PTPRG: variants seen among roughly 807,000 people sequenced by gnomAD.
The protein encoded by PTPRG is receptor-type tyrosine-protein phosphatase gamma.
Under a neutral mutation model 165.3 loss-of-function variants are expected in PTPRG, and 102 were observed. The ratio of observed to expected loss-of-function variants is 0.62; its 90% CI spans 0.53 to 0.73. The LOEUF is 0.73. PTPRG is among the 30% of genes least tolerant of loss of function. PTPRG has a pLI of 0.00. For synonymous variants in PTPRG, 675 were observed against 669.5 expected (o/e 1.01, Z -0.13); for missense variants, 1,866 against 1,861.4 (o/e 1.00, Z -0.05).
At chr3:61,614,744 T>C (rs1701259352) in intron 1 of PTPRG, among the ~76,000 whole-genome samples, 1 of 152,150 alleles carries the variant, frequency 6.6e-6, no homozygotes, top group Admixed American at 6.5e-5. Flanking sequence ...TCTAATTAGG[T>C]TTTTGTTGAG....
At chr3:61,565,432 TTCTC>T (rs1318680702) in intron 1 of PTPRG, among the ~76,000 whole-genome samples, 2 of 152,162 alleles carry the variant, frequency 1.3e-5, no homozygotes, top group Non-Finnish European at 2.9e-5. Flanking sequence ...CAACTCAATC[TTCTC>T]TCATCTCTTC....
At chr3:61,711,039 T>G (rs149559472) in intron 1 of PTPRG, among the ~76,000 whole-genome samples, 21,779 of 152,100 alleles carry the variant, frequency 0.14, 1,704 homozygotes, top group East Asian at 0.17. Flanking sequence ...TTCTGTTCCT[T>G]TGTTAGTTTG....
chr3:61,826,155 C>T (rs1224389152), intron 2 of PTPRG, among the ~76,000 whole-genome samples: 3 of 152,032 alleles, frequency 2.0e-5, no homozygotes, highest in African/African-American at 4.8e-5. Flanking sequence ...TTGGTTGTGT[C>T]GTTTTGCACG....
chr3:61,643,553 T>G (rs922124929), intron 1 of PTPRG, among the ~76,000 whole-genome samples: 1 of 152,062 alleles, frequency 6.6e-6, no homozygotes, highest in African/African-American at 2.4e-5. Context: ...GCCGAGGCGG[T>G]GAATCACTTG....
chr3:62,070,310 A>G (rs1205087314), intron 4 of PTPRG, among the ~76,000 whole-genome samples: 1 of 152,224 alleles, frequency 6.6e-6, no homozygotes, highest in Non-Finnish European at 1.5e-5. Context: ...CATTTACTCC[A>G]GCAGTTTAAA....
At chr3:62,212,628 T>G (rs938122161) in intron 12 of PTPRG, among the ~76,000 whole-genome samples, 3 of 151,214 alleles carry the variant, frequency 2.0e-5, no homozygotes, top group African/African-American at 7.3e-5. Flanking sequence ...GCAGTGGGAG[T>G]TGGGAGTGAG....
intron 1 of PTPRG, among the ~76,000 whole-genome samples, chr3:61,738,891 C>G (rs2032868950): frequency 6.6e-6 from 1 of 151,386 alleles, no homozygotes; most frequent in African/African-American, 2.4e-5. Flanking sequence ...CCTCCCGTCT[C>G]AGCCTCCTGA....
chr3:61,583,695 A>G (rs1700362362), intron 1 of PTPRG, among the ~76,000 whole-genome samples: 1 of 152,022 alleles, frequency 6.6e-6, no homozygotes, highest in Non-Finnish European at 1.5e-5. Context: ...TGGGCTCGAT[A>G]CACCTTTTCT....
At chr3:61,634,209 C>G (rs898452620) in intron 1 of PTPRG, among the ~76,000 whole-genome samples, 1 of 151,772 alleles carries the variant, frequency 6.6e-6, no homozygotes, top group Non-Finnish European at 1.5e-5. Flanking sequence ...CAAAAATACC[C>G]AAAGTGCCAG....
At chr3:61,564,758 T>A (rs746295588) in intron 1 of PTPRG, among the ~76,000 whole-genome samples, 4 of 152,070 alleles carry the variant, frequency 2.6e-5, no homozygotes, top group Non-Finnish European at 4.4e-5. Context: ...TCCTGCCACC[T>A]CCACACTGGT....
intron 1 of PTPRG, among the ~76,000 whole-genome samples, chr3:61,627,777 TTAAAA>T (rs1389603071): frequency 6.6e-6 from 1 of 152,220 alleles, no homozygotes; most frequent in African/African-American, 2.4e-5. Context: ...TAGAAGGTCA[TTAAAA>T]TAAGTTTAAA....
chr3:62,243,883 A>C lies in PTPRG; in HGVS notation c.2452A>C (p.Ile818Leu), dbSNP rs770219135. The change falls in exon 15 of 30, where the codon ATT becomes CTT. Residue 818 changes from isoleucine to leucine, a missense_variant. Physicochemically the swap from Ile to Leu is conservative, Grantham distance 5. Coordinates refer to ENST00000474889, the MANE Select transcript of PTPRG (RefSeq NM_002841.4). ...AGTGGTCCCTAATGAAAGTATCCCT[A>C]TTATTCCTATTCCGGGTAAGTAAGA... ...PRVVPNESIP[I>L]IPIPDDMEAI... is the part of the protein sequence containing the mutation. 1 of 1,541,298 alleles carries C rather than the reference A, an allele frequency of 6.5e-7. No homozygotes were observed. Among genetic ancestry groups the C allele is most frequent in the Admixed American group, 1.7e-5 (1 of 59,346 alleles).
chr3:61,846,589 C>G (rs992771509), intron 2 of PTPRG, among the ~76,000 whole-genome samples: 1 of 152,172 alleles, frequency 6.6e-6, no homozygotes, highest in Non-Finnish European at 1.5e-5. Context: ...ACCTAGAACA[C>G]AGCAAGCTCT....
chr3:61,752,795 A>AAAGAAAG (rs1553660799), intron 2 of PTPRG, among the ~76,000 whole-genome samples: 1 of 108,218 alleles, frequency 9.2e-6, no homozygotes, highest in African/African-American at 3.6e-5. Context: ...CAAAAAAAAA[A>AAAGAAAG]AAAAAAGAAA....
intron 12 of PTPRG, 147 bp from the exon 13 acceptor site, chr3:62,218,704 C>A: frequency 9.9e-7 from 1 of 1,011,826 alleles, no homozygotes; most frequent in Non-Finnish European, 1.4e-6. Flanking sequence ...GTGAGGGCTG[C>A]GGATTGCCCC....
chr3:61,947,369 A>G (rs1029626422), intron 2 of PTPRG, among the ~76,000 whole-genome samples: 5 of 152,374 alleles, frequency 3.3e-5, no homozygotes, highest in Middle Eastern at 3.4e-3. Context: ...AATACGTGAC[A>G]TAAGGAAGGG....
chr3:62,267,005 G>A (rs1208944443), intron 17 of PTPRG, among the ~76,000 whole-genome samples: 1 of 151,790 alleles, frequency 6.6e-6, no homozygotes, highest in African/African-American at 2.4e-5. Context: ...AATTAGCAAT[G>A]GAATTGCCTG....
intron 2 of PTPRG, among the ~76,000 whole-genome samples, chr3:61,887,455 C>T (rs1441750678): frequency 6.6e-6 from 1 of 152,040 alleles, no homozygotes; most frequent in Admixed American, 6.5e-5. Flanking sequence ...AACATGTCCC[C>T]AGTCTTGAAG....
intron 4 of PTPRG, among the ~76,000 whole-genome samples, chr3:62,033,146 G>A (rs1279519349): frequency 6.6e-6 from 1 of 151,952 alleles, no homozygotes; most frequent in Non-Finnish European, 1.5e-5. Flanking sequence ...TTTTCTCTCT[G>A]CTCCAGCTTT....
Sources: gnomAD v4.1 joint callset for allele counts (sites outside exome capture counted in the v4.1 genomes callset) on GRCh38, gnomAD v4.1.1 for gene constraint, MANE v1.5 for transcripts, NCBI Gene and HGNC (gene_info 2026-07-23, HGNC 2026-07-21) for gene names.